Variants in CUL2 observed in about 807,000 individuals in gnomAD.
CUL2 encodes the protein cullin-2.
CUL2 carries 22 observed loss-of-function variants against 110.2 expected under a neutral mutation model. The ratio of observed to expected loss-of-function variants is 0.20; its 90% confidence interval spans 0.14 to 0.28. CUL2 has a LOEUF of 0.28. Ranked by LOEUF, CUL2 falls within the 10% of genes least tolerant of loss-of-function variation. The pLI is 1.00. For synonymous variants in CUL2, 279 were observed against 293.2 expected (o/e 0.95, Z 0.49); for missense variants, 631 against 905.5 (o/e 0.70, Z 3.89).
chr10:35,062,492 G>C (rs565713017), intron 3 of CUL2, among the ~76,000 whole-genome samples: 1 of 152,238 alleles, frequency 6.6e-6, no homozygotes, highest in Non-Finnish European at 1.5e-5. Context: ...CTAATTACGA[G>C]ATGCTGAGCA....
intron 5 of CUL2, among the ~76,000 whole-genome samples, chr10:35,050,292 G>A (rs1228764128): frequency 6.7e-6 from 1 of 150,238 alleles, no homozygotes; most frequent in Non-Finnish European, 1.5e-5. Flanking sequence ...CTGCACTCCA[G>A]CCTGGTGACA....
chr10:35,037,419 T>C (rs1332496320), intron 9 of CUL2, among the ~76,000 whole-genome samples: 1 of 152,222 alleles, frequency 6.6e-6, no homozygotes, highest in Non-Finnish European at 1.5e-5. Flanking sequence ...TTAATTACTA[T>C]AGGTTTTACA....
At chr10:35,066,022 C>T (rs2086512221) in intron 2 of CUL2, among the ~76,000 whole-genome samples, 1 of 152,136 alleles carries the variant, frequency 6.6e-6, no homozygotes, top group South Asian at 2.1e-4. Flanking sequence ...CTAAGCTGTT[C>T]CAGAATGAAA....
chr10:35,064,716 A>AT (rs1224941698), intron 2 of CUL2, among the ~76,000 whole-genome samples: 2 of 151,700 alleles, frequency 1.3e-5, no homozygotes, highest in Non-Finnish European at 2.9e-5. Context: ...ACTTGAAAAA[A>AT]TTTTTTTGTA....
chr10:35,077,817 C>CAA (rs200796040), intron 1 of CUL2, among the ~76,000 whole-genome samples: 15 of 107,124 alleles, frequency 1.4e-4, no homozygotes, highest in South Asian at 2.8e-4. Context: ...AACTCCGTCT[C>CAA]AAAAAAAAAA....
In CUL2 at chr10:35,010,653, T is replaced by C. The variant is rs148796179; in HGVS notation, c.2107-211A>G. 3.8e-3 allele frequency among the ~76,000 whole-genome samples: 584 copies of C among 152,270 alleles called. 6 individuals carry two copies. The highest frequency in any genetic ancestry group is 0.013 in the African/African-American group (551 of 41,544). Reference sequence around the variant, plus strand: ...AAGTGAAACAATAAACTAATTAACCTAAGTACTCACACACAACCCCAAGCT... The same window carrying C: ...AAGTGAAACAATAAACTAATTAACCCAAGTACTCACACACAACCCCAAGCT... On this transcript the variant is annotated intron_variant, in intron 20 of 20. Coordinates refer to ENST00000374749, the MANE Select transcript of CUL2 (RefSeq NM_003591.4).
rs914778285 is a variant in CUL2 at position 35,010,044 on chromosome 10, T to C, written c.*267A>G. 3 of 200,120 alleles carry C rather than the reference T, an allele frequency of 1.5e-5. No individual in the cohort carries two copies. Among genetic ancestry groups the C allele is most frequent in the African/African-American group, 2.3e-5 (1 of 42,878 alleles). The allele number at this position is 200,120 out of a possible 1,614,324, so 12.4% of individuals were successfully genotyped here. Reference sequence around the variant, plus strand: ...GCAAACGTGAAGGGGAGAAAAAGCATGGTACCCAACCGAATTTCCACTTTT... The same window carrying C: ...GCAAACGTGAAGGGGAGAAAAAGCACGGTACCCAACCGAATTTCCACTTTT... On this transcript the variant is annotated 3_prime_UTR_variant, in exon 21 of 21. Transcript: ENST00000374749.
intron 1 of CUL2, among the ~76,000 whole-genome samples, chr10:35,103,313 T>TTA (rs2087409198): frequency 9.9e-6 from 1 of 101,404 alleles, no homozygotes; most frequent in Admixed American, 9.9e-5. Context: ...AGCTAATTTT[T>TTA]TTTTTTTTTT....
At chr10:35,040,210 A>G (rs1240557426) in intron 8 of CUL2, among the ~76,000 whole-genome samples, 2 of 152,206 alleles carry the variant, frequency 1.3e-5, no homozygotes, top group African/African-American at 2.4e-5. Flanking sequence ...ATTTAGTCAT[A>G]GTCAAGTATG....
chr10:35,075,678 ACACACG>A (rs1333041854), intron 1 of CUL2, among the ~76,000 whole-genome samples: 1 of 142,124 alleles, frequency 7.0e-6, no homozygotes, highest in Non-Finnish European at 1.6e-5. Flanking sequence ...ACACACACAC[ACACACG>A]CACGCTCCAC....
chr10:35,046,880 G>C (rs2085956146), intron 6 of CUL2, among the ~76,000 whole-genome samples: 1 of 149,452 alleles, frequency 6.7e-6, no homozygotes, highest in Non-Finnish European at 1.5e-5. Flanking sequence ...GCAACAGAGT[G>C]AGACTCTGTC....
At chr10:35,097,262 C>T (rs2087312333) in intron 2 of CUL2, among the ~76,000 whole-genome samples, 1 of 152,086 alleles carries the variant, frequency 6.6e-6, no homozygotes, top group Non-Finnish European at 1.5e-5. Context: ...CTGCGAACCT[C>T]TTTGGAAAAA....
At chr10:35,022,582 T>G (rs1020374138) in intron 17 of CUL2, among the ~76,000 whole-genome samples, 1 of 152,166 alleles carries the variant, frequency 6.6e-6, no homozygotes, top group Non-Finnish European at 1.5e-5. Flanking sequence ...AACAAGTATC[T>G]TCAATACACA....
chr10:35,053,663 AGT>A (rs1352695290), intron 5 of CUL2, among the ~76,000 whole-genome samples: 1 of 152,200 alleles, frequency 6.6e-6, no homozygotes, highest in African/African-American at 2.4e-5. Flanking sequence ...AAAGGTATTA[AGT>A]ATTTTAAACT....
chr10:35,014,939 A>G (rs1422836883), intron 18 of CUL2, among the ~76,000 whole-genome samples: 2 of 152,188 alleles, frequency 1.3e-5, no homozygotes, highest in Non-Finnish European at 2.9e-5. Context: ...AAAAATATAA[A>G]ACCTTTAAGA....
Position 35,044,963 on chromosome 10 carries a change from G to A in CUL2, c.507-95C>T, listed in dbSNP as rs147963401. ...CCAAAATATGGCTCCTTATTCTATT[G>A]GTCTAATCAAAGTGTAAAGAACTAT... On this transcript the variant is annotated intron_variant, in intron 6 of 20. Coordinates refer to ENST00000374749, the MANE Select transcript of CUL2 (RefSeq NM_003591.4). 6.7e-4 allele frequency: 535 copies of A among 797,796 alleles called. 3 individuals are homozygous for A. The African/African-American group carries it at 8.5e-3, about 13-fold the overall frequency. The allele number at this position is 797,796 out of a possible 1,614,324, so 49.4% of individuals were successfully genotyped here. A position where few individuals can be genotyped will look rare whatever the true frequency, so the allele number is the denominator to read the frequency against.
intron 1 of CUL2, chr10:35,074,327 T>C: frequency 2.6e-6 from 2 of 766,842 alleles, no homozygotes; most frequent in East Asian, 5.3e-5. Context: ...CTCCCTACTG[T>C]GACATCATAA....
Position 35,010,019 on chromosome 10 carries a change from G to T in CUL2, c.*292C>A, listed in dbSNP as rs1588937423. 5.9e-6 allele frequency: 1 copy of T among 170,894 alleles called. No individual in the cohort carries two copies. Among genetic ancestry groups the T allele is most frequent in the Non-Finnish European group, 1.2e-5 (1 of 82,772 alleles). The allele number at this position is 170,894 out of a possible 1,614,324, so 10.6% of individuals were successfully genotyped here. On this transcript the variant is annotated 3_prime_UTR_variant, in exon 21 of 21. Coordinates refer to ENST00000374749, the MANE Select transcript of CUL2 (RefSeq NM_003591.4). ...AAAAAAAAAAAAAGACACATCAACT[G>T]CAAACGTGAAGGGGAGAAAAAGCAT...
intron 2 of CUL2, among the ~76,000 whole-genome samples, chr10:35,098,642 A>G (rs2087333382): frequency 6.6e-6 from 1 of 152,184 alleles, no homozygotes; most frequent in Non-Finnish European, 1.5e-5. Context: ...CTTAATAAAA[A>G]TAAGCAGGCG....
Sources: gnomAD v4.1 joint callset for allele counts (sites outside exome capture counted in the v4.1 genomes callset) on GRCh38, gnomAD v4.1.1 for gene constraint, MANE v1.5 for transcripts, NCBI Gene and HGNC (gene_info 2026-07-23, HGNC 2026-07-21) for gene names.